The following WDR25 variants were observed in gnomAD, a reference collection of about 807,000 sequenced individuals.
WDR25 encodes WD repeat domain 25, also known as WD repeat-containing protein 25.
In WDR25, 35 loss-of-function variants were observed where a neutral mutation model predicts 47.7. The ratio of observed to expected loss-of-function variants is 0.73; its 90% CI spans 0.56 to 0.97. WDR25 has a LOEUF of 0.97. WDR25 is among the 50% of genes least tolerant of loss of function. The pLI, the probability that WDR25 is intolerant of heterozygous loss-of-function variation, is 0.00. For missense variants in WDR25, 634 were observed against 704.7 expected (o/e 0.90, Z 1.14); for synonymous variants, 248 against 278.9 (o/e 0.89, Z 1.10).
At chr14:100,394,324 G>A (rs1897210518) in intron 2 of WDR25, among the ~76,000 whole-genome samples, 1 of 152,160 alleles carries the variant, frequency 6.6e-6, no homozygotes, top group Non-Finnish European at 1.5e-5. Context: ...TGGTGGACTT[G>A]GGGGATGGCT....
At chr14:100,519,228 C>T (rs767833239) in intron 4 of WDR25, among the ~76,000 whole-genome samples, 16 of 150,344 alleles carry the variant, frequency 1.1e-4, no homozygotes, top group Non-Finnish European at 2.2e-4. Flanking sequence ...AAATTTTGTC[C>T]AGAGTTTTTT....
Position 100,499,322 on chromosome 14 carries a change from A to T in WDR25, c.1101+15198A>T, listed in dbSNP as rs1185800968. ...ATAATTTTTAATAATTACTCAATATATTATACCAAGATGTATTTAACCAGC... is the reference window on the plus strand; with the variant it reads ...ATAATTTTTAATAATTACTCAATATTTTATACCAAGATGTATTTAACCAGC... On this transcript the variant is annotated intron_variant, in intron 4 of 6. Coordinates refer to ENST00000402312, the MANE Select transcript of WDR25 (RefSeq NM_001161476.3). The surrounding 1 kb of genome is among the most constrained non-coding windows in gnomAD (Gnocchi z 4.4). 1.3e-5 allele frequency among the ~76,000 whole-genome samples: 2 copies of T among 152,236 alleles called. No homozygotes were observed. The highest frequency in any genetic ancestry group is 4.8e-5 in the African/African-American group (2 of 41,450).
intron 2 of WDR25, among the ~76,000 whole-genome samples, chr14:100,427,509 C>G (rs1898204375): frequency 6.6e-6 from 1 of 152,200 alleles, no homozygotes; most frequent in African/African-American, 2.4e-5. Context: ...GGTGCCATCT[C>G]TGTGAGGCAA....
In WDR25 at chr14:100,525,859, C is replaced by T. The variant is rs375132894; in HGVS notation, c.1102-11C>T. On this transcript the variant is annotated splice_polypyrimidine_tract_variant and intron_variant, in intron 4 of 6. Transcript: ENST00000402312. This position sits in a 1 kb window ranked among gnomAD's most constrained non-coding sequence, Gnocchi z 4.6. Reference sequence around the variant, plus strand: ...CAGGCCTGCCAGCATGACCGGTGTCCGCTCTTGCAGGTGATGAGAAGCTAC... The same window carrying T: ...CAGGCCTGCCAGCATGACCGGTGTCTGCTCTTGCAGGTGATGAGAAGCTAC... The T allele has an allele frequency of 5.3e-5, 86 of 1,612,846 alleles. No homozygotes were observed. Among genetic ancestry groups the T allele is most frequent in the African/African-American group, 8.0e-5 (6 of 74,998 alleles).
chr14:100,413,244 T>C (rs1897761773), intron 2 of WDR25, among the ~76,000 whole-genome samples: 2 of 152,204 alleles, frequency 1.3e-5, no homozygotes, highest in African/African-American at 2.4e-5. Flanking sequence ...TGTATACTTA[T>C]GCAACCATCG....
rs562996076 is a variant in WDR25, at chr14:100,400,100, A to G, written c.822+18354A>G. Among the ~76,000 whole-genome samples, 94 of 152,332 alleles carry G rather than the reference A, an allele frequency of 6.2e-4. 3 individuals are homozygous for G. In the South Asian group the frequency reaches 0.019, roughly 31 times the overall value. ...AATGAATGTTCAGTGAGGACTGGCC[A>G]TTTCTGAGACATGGGGTCAGGTGCT... On this transcript the variant is annotated intron_variant, in intron 2 of 6. Coordinates refer to ENST00000402312, the MANE Select transcript of WDR25 (RefSeq NM_001161476.3).
At chr14:100,524,258 G>A (rs543596600) in intron 4 of WDR25, among the ~76,000 whole-genome samples, 2 of 152,204 alleles carry the variant, frequency 1.3e-5, no homozygotes, top group Admixed American at 1.3e-4. Context: ...ACCGAGAGAA[G>A]CTACCTATGG....
rs151218015 is a variant in WDR25 at position 100,381,513 on chromosome 14, G to A, written c.589G>A (p.Val197Met). The part of the protein sequence containing the change: ...LSTETGKGKD[V>M]EPQGPPAGRA... ...CACGGAGACAGGCAAGGGTAAAGAC[G>A]TGGAGCCACAGGGGCCCCCTGCAGG... Residue 197 changes from valine (V) to methionine (M), a missense_variant, in exon 2 of 7, where the codon GTG becomes ATG. Transcript: ENST00000402312. 9.3e-6 allele frequency: 15 copies of A among 1,614,064 alleles called. No homozygotes were observed. The highest frequency in any genetic ancestry group is 4.0e-5 in the African/African-American group (3 of 74,920).
chr14:100,497,590 T>C (rs1900776141), intron 4 of WDR25, among the ~76,000 whole-genome samples: 1 of 152,256 alleles, frequency 6.6e-6, no homozygotes, highest in Non-Finnish European at 1.5e-5. Flanking sequence ...TGTTTACTTT[T>C]CGAGTCCTCA....
intron 2 of WDR25, among the ~76,000 whole-genome samples, chr14:100,399,515 C>T (rs542912640): frequency 6.6e-6 from 1 of 152,228 alleles, no homozygotes; most frequent in South Asian, 2.1e-4. Flanking sequence ...CTTTGCATTT[C>T]CTCCTTTCCG....
At chr14:100,401,698 A>G (rs1055131109) in intron 2 of WDR25, among the ~76,000 whole-genome samples, 2 of 152,228 alleles carry the variant, frequency 1.3e-5, no homozygotes, top group Non-Finnish European at 2.9e-5. Flanking sequence ...GAAGAAAAAC[A>G]TATTCATACA....
At chr14:100,512,947 C>G (rs560828818) in intron 4 of WDR25, among the ~76,000 whole-genome samples, 90 of 152,258 alleles carry the variant, frequency 5.9e-4, no homozygotes, top group African/African-American at 2.0e-3. Flanking sequence ...ACAGTACATA[C>G]ATTGTATATT....
rs1566938893 is a variant in WDR25 at position 100,500,719 on chromosome 14, G to C, written c.1101+16595G>C. On this transcript the variant is annotated intron_variant, in intron 4 of 6. Transcript: ENST00000402312. This position sits in a 1 kb window ranked among gnomAD's most constrained non-coding sequence, Gnocchi z 4.7. ...CTACGTGGCTTCTTTGGGGTTGAGG[G>C]TGCGTGGAGGAGGCAGCTGCAGGTG... Among the ~76,000 whole-genome samples, 1 of 152,112 alleles carries C rather than the reference G, an allele frequency of 6.6e-6. No homozygotes were observed. Among genetic ancestry groups the C allele is most frequent in the Non-Finnish European group, 1.5e-5 (1 of 68,022 alleles).
intron 2 of WDR25, among the ~76,000 whole-genome samples, chr14:100,456,005 T>C (rs893219325): frequency 1.3e-5 from 2 of 152,172 alleles, no homozygotes; most frequent in Non-Finnish European, 2.9e-5. Flanking sequence ...GTATCTTTGA[T>C]GGCATCTTTA....
intron 2 of WDR25, among the ~76,000 whole-genome samples, chr14:100,445,002 GA>G (rs1429600967): frequency 4.6e-5 from 7 of 152,184 alleles, no homozygotes; most frequent in Non-Finnish European, 7.3e-5. Flanking sequence ...CACATGGATT[GA>G]AGGGGCAGAA....
Position 100,380,773 on chromosome 14 carries a change from C to T in WDR25, c.-15-137C>T, listed in dbSNP as rs185444800. On this transcript the variant is annotated intron_variant, in intron 1 of 6. Transcript: ENST00000402312. ...CCTCCTGAAGTGCTGGGATTACAGG[C>T]GTGAGCCACCACGCCTGGCCTGTGT... 351 of 802,188 alleles carry T rather than the reference C, an allele frequency of 4.4e-4. 3 individuals carry two copies. The African/African-American group carries it at 5.7e-3, about 13-fold the overall frequency. 49.7% of individuals were successfully genotyped at this position (802,188 alleles called of 1,614,324 possible).
At chr14:100,513,450 T>C (rs539489050) in intron 4 of WDR25, among the ~76,000 whole-genome samples, 179 of 152,294 alleles carry the variant, frequency 1.2e-3, no homozygotes, top group Admixed American at 3.5e-3. Context: ...CATCCAGAAA[T>C]GGGAGAAGTA....
In WDR25 at chr14:100,523,116, G is replaced by T. The variant is rs2029942610; in HGVS notation, c.1102-2754G>T. 6.6e-6 allele frequency among the ~76,000 whole-genome samples: 1 copy of T among 152,204 alleles called. No individual in the cohort carries two copies. The highest frequency in any genetic ancestry group is 6.5e-5 in the Admixed American group (1 of 15,288). ...ATGTTGCTGGGAGCCGGAGGACCCT[G>T]GATTGCTACTTTTAAAGTAGTCGAC... On this transcript the variant is annotated intron_variant, in intron 4 of 6. Coordinates refer to ENST00000402312, the MANE Select transcript of WDR25 (RefSeq NM_001161476.3). This position sits in a 1 kb window ranked among gnomAD's most constrained non-coding sequence, Gnocchi z 4.7.
chr14:100,529,261 C>G lies in WDR25; in HGVS notation c.1413+53C>G, dbSNP rs2030349507. 6.2e-7 allele frequency: 1 copy of G among 1,608,162 alleles called. No homozygotes were observed. The highest frequency in any genetic ancestry group is 1.3e-5 in the African/African-American group (1 of 74,904). On this transcript the variant is annotated intron_variant, in intron 6 of 6. Transcript: ENST00000402312. This position sits in a 1 kb window ranked among gnomAD's most constrained non-coding sequence, Gnocchi z 5.1. ...ATGCTGAGCCCCAGCCCCAAGCCTC[C>G]TGGCAGTCCTGGACATGGGCCCTGG...
Sources: gnomAD v4.1 joint callset for allele counts (sites outside exome capture counted in the v4.1 genomes callset) on GRCh38, gnomAD v4.1.1 for gene constraint, Gnocchi (gnomAD v3.1) non-coding constraint, MANE v1.5 for transcripts, NCBI Gene and HGNC (gene_info 2026-07-23, HGNC 2026-07-21) for gene names.